The following UNC13C variants were observed in gnomAD, a reference collection of about 807,000 sequenced individuals.
UNC13C encodes protein unc-13 homolog C.
A neutral mutation model predicts 245.4 loss-of-function variants in UNC13C; 174 were observed. The ratio of observed to expected loss-of-function variants is 0.71; its 90% CI spans 0.63 to 0.80. The LOEUF is 0.80. UNC13C is among the 30% of genes least tolerant of loss of function. UNC13C has a pLI of 0.00. For synonymous variants in UNC13C, 992 were observed against 895.1 expected, an observed-to-expected ratio of 1.11 and a Z score of -1.93; for missense variants, 2,829 against 2,602.9, an observed-to-expected ratio of 1.09 and a Z score of -1.89.
At chr15:54,261,508 A>C (rs746931732) in intron 8 of UNC13C, among the ~76,000 whole-genome samples, 1 of 148,850 alleles carries the variant, frequency 6.7e-6, no homozygotes, top group African/African-American at 2.6e-5. Context: ...ATGCAAAAGT[A>C]GAAATTTTTG....
intron 17 of UNC13C, among the ~76,000 whole-genome samples, chr15:54,385,111 T>C (rs964529018): frequency 2.0e-5 from 3 of 152,008 alleles, no homozygotes; most frequent in African/African-American, 7.2e-5. Context: ...TACCATAGAA[T>C]ATAGCAATCC....
At chr15:54,460,150 T>C (rs1891757127) in intron 19 of UNC13C, among the ~76,000 whole-genome samples, 1 of 152,164 alleles carries the variant, frequency 6.6e-6, no homozygotes, top group African/African-American at 2.4e-5. Flanking sequence ...ACTCGAGTGA[T>C]TGTTATTGCC....
At chr15:54,617,687 G>T (rs561940188) in intron 30 of UNC13C, among the ~76,000 whole-genome samples, 3 of 152,038 alleles carry the variant, frequency 2.0e-5, no homozygotes, top group African/African-American at 7.2e-5. Flanking sequence ...AGGGAAGAAA[G>T]CACTGGAATG....
At chr15:54,081,713 C>A (rs1351675240) in intron 2 of UNC13C, among the ~76,000 whole-genome samples, 1 of 151,928 alleles carries the variant, frequency 6.6e-6, no homozygotes, top group Non-Finnish European at 1.5e-5. Flanking sequence ...TTGAAGGCAA[C>A]AGCAGGTTGA....
At chr15:54,448,902 G>T (rs1461000523) in intron 19 of UNC13C, among the ~76,000 whole-genome samples, 1 of 152,164 alleles carries the variant, frequency 6.6e-6, no homozygotes, top group African/African-American at 2.4e-5. Flanking sequence ...TGTTTTTGCA[G>T]TGGCTGGTAC....
chr15:54,060,895 C>T (rs1356292770), intron 2 of UNC13C, among the ~76,000 whole-genome samples: 1 of 151,982 alleles, frequency 6.6e-6, no homozygotes. Context: ...GCAGTTCTCA[C>T]TCATAGGTGG....
chr15:54,602,391 C>T (rs1236232152), intron 30 of UNC13C, among the ~76,000 whole-genome samples: 1 of 152,164 alleles, frequency 6.6e-6, no homozygotes, highest in Non-Finnish European at 1.5e-5. Context: ...TCACACATAC[C>T]TGTGCCCTCC....
intron 18 of UNC13C, among the ~76,000 whole-genome samples, chr15:54,403,624 A>C (rs2040232472): frequency 6.7e-6 from 1 of 148,594 alleles, no homozygotes; most frequent in African/African-American, 2.5e-5. Flanking sequence ...GCTGAGGCGG[A>C]AGGATCTGCT....
At chr15:54,453,037 TG>T (rs1425439714) in intron 19 of UNC13C, among the ~76,000 whole-genome samples, 1 of 152,134 alleles carries the variant, frequency 6.6e-6, no homozygotes, top group Non-Finnish European at 1.5e-5. Flanking sequence ...GTTCTCAAAA[TG>T]GCACCATTTT....
At chr15:54,127,732 A>T (rs963186375) in intron 2 of UNC13C, among the ~76,000 whole-genome samples, 5 of 132,562 alleles carry the variant, frequency 3.8e-5, no homozygotes, top group African/African-American at 1.4e-4. Flanking sequence ...TATAAAATAT[A>T]TATTAAATAT....
At chr15:53,931,259 C>A in the UNC13C span, among the ~76,000 whole-genome samples, 1 of 152,134 alleles carries the variant, frequency 6.6e-6, no homozygotes, top group Non-Finnish European at 1.5e-5. Flanking sequence ...ACCTCTGCCT[C>A]TCGGGTTCAA....
At chr15:53,925,793 C>G in the UNC13C span, among the ~76,000 whole-genome samples, 28,994 of 152,116 alleles carry the variant, frequency 0.19, 3,592 homozygotes, top group East Asian at 0.34. Context: ...TCTCCGAAAT[C>G]TATTTTTAAA....
chr15:54,513,727 A>C (rs1490582399), intron 24 of UNC13C, among the ~76,000 whole-genome samples: 1 of 152,202 alleles, frequency 6.6e-6, no homozygotes, highest in African/African-American at 2.4e-5. Flanking sequence ...TTTAAGAAGA[A>C]AGCGTAAATA....
At chr15:54,269,128 T>C (rs1327641806) in intron 10 of UNC13C, among the ~76,000 whole-genome samples, 1 of 152,046 alleles carries the variant, frequency 6.6e-6, no homozygotes, top group African/African-American at 2.4e-5. Context: ...TCTACCTTGG[T>C]TTCTATTCCT....
rs187707150 is a variant in UNC13C at position 54,407,741 on chromosome 15, A to C, written c.4848-7241A>C. Among the ~76,000 whole-genome samples, 412 of 152,308 alleles carry C rather than the reference A, an allele frequency of 2.7e-3. 10 individuals carry two copies. Among genetic ancestry groups the C allele is most frequent in the Admixed American group, 0.015 (222 of 15,296 alleles). On this transcript the variant is annotated intron_variant, in intron 18 of 32. Transcript: ENST00000260323. Reference sequence around the variant, plus strand: ...ATAGAAGCAGATCTTAGCAAGAAGTAGATCTTGAGATTTAAATTTAAAGAG... The same window carrying C: ...ATAGAAGCAGATCTTAGCAAGAAGTCGATCTTGAGATTTAAATTTAAAGAG...
At chr15:54,126,558 T>A (rs769285716) in intron 2 of UNC13C, among the ~76,000 whole-genome samples, 3 of 152,046 alleles carry the variant, frequency 2.0e-5, no homozygotes, top group Non-Finnish European at 4.4e-5. Flanking sequence ...TGAAATTAAC[T>A]CAAGATGGAT....
Position 54,050,702 on chromosome 15 carries a change from G to A in UNC13C, c.2983+34816G>A, listed in dbSNP as rs987822193. 1.4e-4 allele frequency: 77 copies of A among 554,364 alleles called. 1 individual carries two copies. Among genetic ancestry groups the A allele is most frequent in the South Asian group, 1.0e-3 (71 of 69,966 alleles). 34.3% of individuals were successfully genotyped at this position (554,364 alleles called of 1,614,324 possible). A position where few individuals can be genotyped will look rare whatever the true frequency, so the allele number is the denominator to read the frequency against. On this transcript the variant is annotated intron_variant, in intron 2 of 32. Transcript: ENST00000260323. ...CTTTGGAAACCGGTGAAGATCTATA[G>A]GGTAAATATCATCAGGAAGCTTTAC...
intron 19 of UNC13C, among the ~76,000 whole-genome samples, chr15:54,449,662 A>G (rs1891056788): frequency 6.6e-6 from 1 of 152,166 alleles, no homozygotes; most frequent in South Asian, 2.1e-4. Flanking sequence ...TGGTTATTCT[A>G]GTTAGCCATT....
intron 4 of UNC13C, among the ~76,000 whole-genome samples, chr15:54,151,120 A>G (rs2032493692): frequency 1.3e-5 from 2 of 152,096 alleles, no homozygotes. Flanking sequence ...ATATTTGACT[A>G]TTACCCACGG....
Sources: allele counts gnomAD v4.1 joint callset (sites outside exome capture counted in the v4.1 genomes callset), GRCh38; gene constraint gnomAD v4.1.1; transcripts MANE v1.5; gene names NCBI Gene and HGNC (gene_info 2026-07-23, HGNC 2026-07-21).